The following ABI2 variants were observed in gnomAD, a reference collection of about 807,000 sequenced individuals.
ABI2 encodes abl interactor 2.
ABI2 carries 25 observed loss-of-function variants against 59.2 expected under a neutral mutation model. The observed-to-expected ratio is 0.42, with a 90% CI of 0.31 to 0.59. ABI2 has a LOEUF of 0.59. ABI2 is among the 20% of genes least tolerant of loss of function. The probability of loss-of-function intolerance (pLI) is 0.14; values close to 1 mark genes in which losing one functional copy is unlikely to be tolerated. For synonymous variants in ABI2, 213 were observed against 235.5 expected (o/e 0.90, Z 0.87); for missense variants, 545 against 681.8 (o/e 0.80, Z 2.23).
Position 203,374,943 on chromosome 2 carries a change from A to G in ABI2, c.286-5265A>G, listed in dbSNP as rs148711782. On this transcript the variant is annotated intron_variant, in intron 2 of 11. Coordinates refer to ENST00000261018, the MANE Select transcript of ABI2 (RefSeq NM_001375670.1). ...AATCCTAAAACAAAATATTTTATAC[A>G]GTACCTTCCTGTCATCTGCTGTGGC... 1.2e-3 allele frequency: 489 copies of G among 414,794 alleles called. 9 individuals carry two copies. In the East Asian group the frequency reaches 0.03, roughly 26 times the overall value. The allele number at this position is 414,794 out of a possible 1,614,324, so 25.7% of individuals were successfully genotyped here.
chr2:203,427,631 A>G lies in ABI2; in HGVS notation c.*279A>G. ...GGTATAACAGCATAACTGTGTAGCCAAAACAAAATCAGATTAAGACTGATT... is the reference window on the plus strand; with the variant it reads ...GGTATAACAGCATAACTGTGTAGCCGAAACAAAATCAGATTAAGACTGATT... On this transcript the variant is annotated 3_prime_UTR_variant, in exon 12 of 12. Coordinates refer to ENST00000261018, the MANE Select transcript of ABI2 (RefSeq NM_001375670.1). The G allele has an allele frequency of 3.7e-6, 1 of 272,516 alleles. No homozygotes were observed. Among genetic ancestry groups the G allele is most frequent in the Non-Finnish European group, 7.0e-6 (1 of 142,720 alleles). The allele number at this position is 272,516 out of a possible 1,614,324, so 16.9% of individuals were successfully genotyped here. A position where few individuals can be genotyped will look rare whatever the true frequency, so the allele number is the denominator to read the frequency against.
chr2:203,356,721 G>A (rs1487089304), intron 1 of ABI2, among the ~76,000 whole-genome samples: 4 of 152,022 alleles, frequency 2.6e-5, no homozygotes. Flanking sequence ...GCCCAGTCTC[G>A]AACTCCTGGG....
At chr2:203,416,497 T>C (rs1023281442) in intron 10 of ABI2, among the ~76,000 whole-genome samples, 1 of 152,284 alleles carries the variant, frequency 6.6e-6, no homozygotes, top group Non-Finnish European at 1.5e-5. Context: ...GGTTTCACCA[T>C]GTTGCCCAGG....
intron 1 of ABI2, among the ~76,000 whole-genome samples, chr2:203,359,553 A>G (rs747207762): frequency 3.9e-5 from 6 of 152,316 alleles, no homozygotes; most frequent in Admixed American, 3.9e-4. Context: ...TGGTCCTTCT[A>G]AAACAAAATA....
At chr2:203,352,796 C>T (rs1053654380) in intron 1 of ABI2, among the ~76,000 whole-genome samples, 3 of 152,206 alleles carry the variant, frequency 2.0e-5, no homozygotes, top group Admixed American at 6.5e-5. Flanking sequence ...CCTCCTATTA[C>T]CCAGACATGT....
rs2098460522 is a variant in ABI2, at chr2:203,428,750, T to TGGTCACTGTGATGTTGGGC, written c.*1399_*1417dup. The TGGTCACTGTGATGTTGGGC allele has an allele frequency of 6.6e-6, 1 of 152,258 alleles. No individual in the cohort carries two copies. The highest frequency in any genetic ancestry group is 2.4e-5 in the African/African-American group (1 of 41,436). 9.4% of individuals were successfully genotyped at this position (152,258 alleles called of 1,614,324 possible). On this transcript the variant is annotated 3_prime_UTR_variant, in exon 12 of 12. Transcript: ENST00000261018. Reference sequence around the variant, plus strand: ...CCAGGAGGGCTTGTCTCTTTGTGGGTGGTCACTGTGATGTTGGGCCAGCTC... The same window carrying TGGTCACTGTGATGTTGGGC: ...CCAGGAGGGCTTGTCTCTTTGTGGGTGGTCACTGTGATGTTGGGCGGTCACTGTGATGTTGGGCCAGCTC...
At chr2:203,414,734 C>T (rs2097824130) in intron 10 of ABI2, among the ~76,000 whole-genome samples, 1 of 152,196 alleles carries the variant, frequency 6.6e-6, no homozygotes, top group South Asian at 2.1e-4. Context: ...TATCCCATCC[C>T]ATAATAGTGT....
At chr2:203,348,204 G>T (rs753431508) in intron 1 of ABI2, among the ~76,000 whole-genome samples, 15 of 152,194 alleles carry the variant, frequency 9.9e-5, no homozygotes, top group Non-Finnish European at 1.9e-4. Flanking sequence ...TCGCGCCACT[G>T]CACTGTAGCC....
intron 11 of ABI2, among the ~76,000 whole-genome samples, chr2:203,423,387 C>G (rs1476845068): frequency 1.3e-5 from 2 of 152,166 alleles, no homozygotes; most frequent in African/African-American, 4.8e-5. Context: ...GATTGCTCCT[C>G]TTTGTTTCAA....
intron 1 of ABI2, among the ~76,000 whole-genome samples, chr2:203,331,547 C>T (rs906937944): frequency 1.3e-5 from 2 of 151,466 alleles, no homozygotes; most frequent in Admixed American, 6.6e-5. Context: ...TTAGTAGAGA[C>T]GGGATTTCCC....
chr2:203,394,869 A>G (rs747339200), intron 6 of ABI2, 23 bp downstream of exon 6: 4 of 1,612,368 alleles, frequency 2.5e-6, no homozygotes, highest in Middle Eastern at 1.7e-4. Context: ...CCTCAGTGCA[A>G]AATGTGATGG....
chr2:203,367,323 CTT>C (rs35598384), intron 2 of ABI2: 37 of 167,922 alleles, frequency 2.2e-4, no homozygotes, highest in East Asian at 1.3e-3. Context: ...ATTCCCCCGC[CTT>C]TTTTTTTTTT....
chr2:203,377,063 A>G (rs1389903523), intron 2 of ABI2, among the ~76,000 whole-genome samples: 1 of 152,198 alleles, frequency 6.6e-6, no homozygotes, highest in East Asian at 1.9e-4. Context: ...CATGCCTATA[A>G]TCCCAGCACT....
At chr2:203,355,736 C>G (rs2091584892) in intron 1 of ABI2, among the ~76,000 whole-genome samples, 1 of 148,530 alleles carries the variant, frequency 6.7e-6, no homozygotes, top group Non-Finnish European at 1.5e-5. Flanking sequence ...GAGGCTGAGG[C>G]AGGAGAATCG....
At chr2:203,334,980 C>T (rs963082018) in intron 1 of ABI2, among the ~76,000 whole-genome samples, 7 of 151,934 alleles carry the variant, frequency 4.6e-5, no homozygotes, top group Non-Finnish European at 8.8e-5. Context: ...CTTTTGATAG[C>T]TTATGGTTGA....
chr2:203,345,442 A>G (rs1559171657), intron 1 of ABI2, among the ~76,000 whole-genome samples: 1 of 152,174 alleles, frequency 6.6e-6, no homozygotes, highest in Non-Finnish European at 1.5e-5. Flanking sequence ...AGCCAGACCA[A>G]GAACCCACCG....
At chr2:203,384,309 T>TGTTG (rs1559289603) in intron 4 of ABI2, among the ~76,000 whole-genome samples, 2 of 140,308 alleles carry the variant, frequency 1.4e-5, no homozygotes, top group African/African-American at 5.3e-5. Context: ...TTTTTTTTTT[T>TGTTG]TTTTTTTTTT....
At chr2:203,348,569 A>C (rs1300524553) in intron 1 of ABI2, among the ~76,000 whole-genome samples, 2 of 152,338 alleles carry the variant, frequency 1.3e-5, no homozygotes, top group East Asian at 3.9e-4. Flanking sequence ...AGTTAATGGA[A>C]ATTTTCCCTC....
intron 4 of ABI2, among the ~76,000 whole-genome samples, chr2:203,386,223 C>CA (rs746582008): frequency 9.2e-5 from 14 of 152,076 alleles, no homozygotes; most frequent in Non-Finnish European, 2.9e-5. Context: ...TTCCCATCCT[C>CA]ACTATTTCAC....
Sources: gnomAD v4.1 joint callset for allele counts (sites outside exome capture counted in the v4.1 genomes callset) on GRCh38, gnomAD v4.1.1 for gene constraint, MANE v1.5 for transcripts, NCBI Gene and HGNC (gene_info 2026-07-23, HGNC 2026-07-21) for gene names.